Variants in WDR72 observed in about 807,000 individuals in gnomAD.
WDR72 encodes the protein WD repeat-containing protein 72.
WDR72 carries 120 observed loss-of-function variants against 124.2 expected under a neutral mutation model. That is an observed-to-expected ratio of 0.97 (90% CI 0.83 to 1.12). The LOEUF (loss-of-function observed/expected upper bound fraction) is 1.12. WDR72 is among the 50% of genes most tolerant of loss of function. WDR72 has a pLI of 0.00. For missense variants in WDR72, 1,387 were observed against 1,278.8 expected, an observed-to-expected ratio of 1.08 and a Z score of -1.29; for synonymous variants, 452 against 441.7, an observed-to-expected ratio of 1.02 and a Z score of -0.29.
intron 18 of WDR72, chr15:53,541,189 A>C (rs1893106039): frequency 6.5e-6 from 1 of 153,182 alleles, no homozygotes; most frequent in Non-Finnish European, 1.5e-5. Flanking sequence ...CTCTGGGGGC[A>C]GGGCACAGAC....
intron 14 of WDR72, among the ~76,000 whole-genome samples, chr15:53,660,755 C>G (rs552724589): frequency 6.6e-6 from 1 of 152,064 alleles, no homozygotes; most frequent in Non-Finnish European, 1.5e-5. Flanking sequence ...CCATTACTTA[C>G]AAATTTGTTT....
chr15:53,535,222 C>T lies in WDR72; in HGVS notation c.3149-11900G>A, dbSNP rs74017417. Among the ~76,000 whole-genome samples the T allele has an allele frequency of 7.7e-3, 1,169 of 152,208 alleles. 13 individuals carry two copies. The highest frequency in any genetic ancestry group is 0.027 in the African/African-American group (1,130 of 41,534). ...TCCTACTAAACAATAATTCTTAAGG[C>T]TCTATTGGCTTATATACATTTTTGT... is the stretch of plus-strand genomic sequence containing the variant. On this transcript the variant is annotated intron_variant, in intron 18 of 19. Coordinates refer to ENST00000360509, the MANE Select transcript of WDR72 (RefSeq NM_182758.4).
At chr15:53,688,637 C>T (rs1040155327) in intron 13 of WDR72, among the ~76,000 whole-genome samples, 4 of 151,992 alleles carry the variant, frequency 2.6e-5, no homozygotes, top group Non-Finnish European at 4.4e-5. Flanking sequence ...GGCCATACTG[C>T]CCCAAGGTAA....
rs1012492563 is a variant in WDR72, at chr15:53,722,745, A to G, written c.260+57T>C. The G allele has an allele frequency of 9.2e-5, 134 of 1,461,404 alleles. 1 individual carries two copies. In the South Asian group the frequency reaches 1.5e-3, roughly 16 times the overall value. The allele number at this position is 1,461,404 out of a possible 1,614,324, so 90.5% of individuals were successfully genotyped here. The stretch of plus-strand genomic sequence containing the variant: ...CAGCCCTAAAATTGTATTCCATTGT[A>G]GTTTTTAAAAAGGGAAGGAAATGGA... On this transcript the variant is annotated intron_variant, in intron 3 of 19. Coordinates refer to ENST00000360509, the MANE Select transcript of WDR72 (RefSeq NM_182758.4).
chr15:53,565,974 C>T (rs150602161), intron 18 of WDR72, among the ~76,000 whole-genome samples: 244 of 151,938 alleles, frequency 1.6e-3, no homozygotes, highest in Middle Eastern at 6.8e-3. Flanking sequence ...AGAAGGAACG[C>T]TCTGATTAGG....
intron 13 of WDR72, among the ~76,000 whole-genome samples, chr15:53,688,573 C>G (rs1392296849): frequency 6.6e-6 from 1 of 152,128 alleles, no homozygotes; most frequent in Non-Finnish European, 1.5e-5. Flanking sequence ...AGGATACAAA[C>G]AAATGGAAGA....
At chr15:53,714,843 C>G (rs999738048) in intron 5 of WDR72, among the ~76,000 whole-genome samples, 9 of 152,130 alleles carry the variant, frequency 5.9e-5, no homozygotes, top group Non-Finnish European at 1.3e-4. Flanking sequence ...ACTGAATTAT[C>G]AATACTACAT....
intron 14 of WDR72, among the ~76,000 whole-genome samples, chr15:53,627,756 A>C (rs1230995176): frequency 1.3e-5 from 2 of 151,036 alleles, no homozygotes; most frequent in Admixed American, 6.6e-5. Flanking sequence ...TAGAAAAAAA[A>C]CACACAAAAC....
chr15:53,540,943 A>G (rs1042871116), intron 18 of WDR72: 1 of 156,946 alleles, frequency 6.4e-6, no homozygotes, highest in African/African-American at 2.4e-5. Context: ...ACCGGCTTAA[A>G]AAACGGCGCA....
Position 53,559,323 on chromosome 15 carries a change from A to G in WDR72, c.3149-36001T>C, listed in dbSNP as rs1461878261. Among the ~76,000 whole-genome samples the G allele has an allele frequency of 3.9e-5, 6 of 152,046 alleles. No homozygotes were observed. In the South Asian group the frequency reaches 1.0e-3, roughly 26 times the overall value. On this transcript the variant is annotated intron_variant, in intron 18 of 19. Transcript: ENST00000360509. Reference sequence around the variant, plus strand: ...TGTGGATTTTTTTTAAAGTACAATGAAAGTTTAAGAAAAAACATGCAGGTT... The same window carrying G: ...TGTGGATTTTTTTTAAAGTACAATGGAAGTTTAAGAAAAAACATGCAGGTT...
rs1891521066 is a variant in WDR72, at chr15:53,517,356, T to A, written c.*343A>T. On this transcript the variant is annotated 3_prime_UTR_variant, in exon 20 of 20. Transcript: ENST00000360509. ...ATTGTTTATTATATAATTCAGGGAC[T>A]AAAAGGATAGGAGAAAATTTAAAGC... 1 of 303,270 alleles carries A rather than the reference T, an allele frequency of 3.3e-6. No individual in the cohort carries two copies. The highest frequency in any genetic ancestry group is 6.4e-6 in the Non-Finnish European group (1 of 157,368). 18.8% of individuals were successfully genotyped at this position (303,270 alleles called of 1,614,324 possible).
chr15:53,683,028 AG>A (rs1181996256), intron 13 of WDR72, among the ~76,000 whole-genome samples: 1 of 152,190 alleles, frequency 6.6e-6, no homozygotes, highest in African/African-American at 2.4e-5. Context: ...CAGTGGTAGG[AG>A]AGAAGTGTAA....
At chr15:53,627,897 A>G (rs928989040) in intron 14 of WDR72, among the ~76,000 whole-genome samples, 8 of 152,174 alleles carry the variant, frequency 5.3e-5, no homozygotes, top group Non-Finnish European at 1.5e-5. Context: ...AAAATAAAAT[A>G]CTTTTTAAAA....
chr15:53,681,169 A>C (rs981236190), intron 13 of WDR72, among the ~76,000 whole-genome samples: 1 of 152,204 alleles, frequency 6.6e-6, no homozygotes, highest in Non-Finnish European at 1.5e-5. Flanking sequence ...AAATCAGAGA[A>C]CCTACTTTCC....
chr15:53,705,498 T>C (rs937900551), intron 10 of WDR72, among the ~76,000 whole-genome samples: 13 of 152,130 alleles, frequency 8.5e-5, no homozygotes, highest in African/African-American at 2.9e-4. Context: ...AGTCTCACTG[T>C]GTCACCCAGG....
At chr15:53,712,051 A>G (rs2017554739) in intron 7 of WDR72, among the ~76,000 whole-genome samples, 1 of 152,220 alleles carries the variant, frequency 6.6e-6, no homozygotes, top group Non-Finnish European at 1.5e-5. Context: ...AAATGTAGTG[A>G]CAAAGTAGAA....
chr15:53,724,610 CT>C (rs1201183378), intron 2 of WDR72, among the ~76,000 whole-genome samples: 1 of 152,144 alleles, frequency 6.6e-6, no homozygotes, highest in African/African-American at 2.4e-5. Context: ...AACTCACTCA[CT>C]ATCACAAGAA....
intron 13 of WDR72, among the ~76,000 whole-genome samples, chr15:53,673,988 T>C (rs1351856172): frequency 1.3e-5 from 2 of 151,132 alleles, no homozygotes; most frequent in African/African-American, 4.9e-5. Flanking sequence ...TGAAACTCCA[T>C]CTCAAGAAAA....
intron 13 of WDR72, among the ~76,000 whole-genome samples, chr15:53,691,197 G>T (rs1018709904): frequency 6.6e-6 from 1 of 152,020 alleles, no homozygotes; most frequent in Non-Finnish European, 1.5e-5. Flanking sequence ...CTACTGGCAC[G>T]TACCACTGTG....
Sources: gnomAD v4.1 joint callset for allele counts (sites outside exome capture counted in the v4.1 genomes callset) on GRCh38, gnomAD v4.1.1 for gene constraint, MANE v1.5 for transcripts, NCBI Gene and HGNC (gene_info 2026-07-23, HGNC 2026-07-21) for gene names.